Variants in FCRL2 observed in about 807,000 individuals in gnomAD.
FCRL2 encodes the protein Fc receptor like 2.
In FCRL2, 48 loss-of-function variants were observed where a neutral mutation model predicts 59.8. The observed-to-expected ratio is 0.80, with a 90% CI of 0.64 to 1.02. The LOEUF (loss-of-function observed/expected upper bound fraction) is 1.02, where lower values mean the gene tolerates loss of function less well. Among genes scored for constraint, FCRL2 ranks in the 50% least tolerant of loss-of-function variants. FCRL2 has a pLI of 0.00. For synonymous variants in FCRL2, 251 were observed against 229.5 expected (o/e 1.09, Z -0.85); for missense variants, 658 against 597.3 (o/e 1.10, Z -1.06).
rs750200414 is a variant in FCRL2 at position 157,769,981 on chromosome 1, C to G, written c.480G>C (p.Pro160=). ...TCCACACGGCAGAAATCTGGAGCTC[C>G]GGAGAGCTGCTCCAGCCTGACCCCA... The part of the protein sequence containing the change: ...QVLGSGWSSS[P]ELQISAVWSE... The change falls in exon 4 of 12, where the codon CCG becomes CCC. Residue 160 remains proline, a synonymous_variant. Transcript: ENST00000361516. 58 of 1,614,030 alleles carry G rather than the reference C, an allele frequency of 3.6e-5. No homozygotes were observed. Among genetic ancestry groups the G allele is most frequent in the Non-Finnish European group, 4.3e-5 (51 of 1,180,032 alleles).
intron 7 of FCRL2, among the ~76,000 whole-genome samples, chr1:157,763,012 C>T (rs569528613): frequency 2.6e-5 from 4 of 152,246 alleles, no homozygotes; most frequent in Admixed American, 1.3e-4. Flanking sequence ...CCAGGAGGTG[C>T]AATAAAGTTA....
chr1:157,757,702 C>A (rs1242037872), intron 7 of FCRL2, among the ~76,000 whole-genome samples: 1 of 152,222 alleles, frequency 6.6e-6, no homozygotes, highest in South Asian at 2.1e-4. Context: ...GAGGCTTACA[C>A]CTGTAATCCC....
Position 157,769,949 on chromosome 1 carries a change from T to A in FCRL2, c.512A>T (p.Asp171Val). ...ELQISAVWSEDTGSYWCKAET... is the reference protein window; with the variant it reads ...ELQISAVWSEVTGSYWCKAET... ...TGCCTTGCACCAGTAAGACCCTGTG[T>A]CTTCACTCCACACGGCAGAAATCTG... Residue 171 changes from aspartate to valine, a missense_variant, in exon 4 of 12, where the codon GAC becomes GTC. Physicochemically the swap from Asp to Val is radical, Grantham distance 152. Transcript: ENST00000361516. 1 of 1,614,202 alleles carries A rather than the reference T, an allele frequency of 6.2e-7. No individual in the cohort carries two copies.
chr1:157,751,992 A>C (rs1170175358), intron 7 of FCRL2, among the ~76,000 whole-genome samples: 1 of 152,234 alleles, frequency 6.6e-6, no homozygotes, highest in Admixed American at 6.5e-5. Context: ...AGAGAGAAAC[A>C]TCTGGCCAGA....
intron 7 of FCRL2, among the ~76,000 whole-genome samples, chr1:157,753,277 TC>T (rs1384640226): frequency 6.6e-6 from 1 of 152,134 alleles, no homozygotes; most frequent in East Asian, 1.9e-4. Context: ...AAGGGGTGTG[TC>T]CCACAAAACT....
chr1:157,766,698 G>A lies in FCRL2; in HGVS notation c.1279+157C>T, dbSNP rs966064561. ...GTATAATTAGCAGTATGACCACATT[G>A]AGCATTGCACAGAGCCTTGCAGAAT... is the stretch of plus-strand genomic sequence containing the variant. On this transcript the variant is annotated intron_variant, in intron 7 of 11. Coordinates refer to ENST00000361516, the MANE Select transcript of FCRL2 (RefSeq NM_030764.4). 4 of 1,173,912 alleles carry A rather than the reference G, an allele frequency of 3.4e-6. No homozygotes were observed. In the Admixed American group the frequency reaches 1.1e-4, roughly 33 times the overall value. The allele number at this position is 1,173,912 out of a possible 1,614,324, so 72.7% of individuals were successfully genotyped here.
chr1:157,756,768 A>G (rs1319206115), intron 7 of FCRL2, among the ~76,000 whole-genome samples: 1 of 152,096 alleles, frequency 6.6e-6, no homozygotes, highest in African/African-American at 2.4e-5. Context: ...TTGGAAGCAA[A>G]TTTAGTAAAA....
At chr1:157,751,447 G>A (rs1648176919) in intron 7 of FCRL2, among the ~76,000 whole-genome samples, 1 of 152,224 alleles carries the variant, frequency 6.6e-6, no homozygotes, top group Non-Finnish European at 1.5e-5. Context: ...ACAATATTAA[G>A]GCCAGCTTGG....
intron 2 of FCRL2, among the ~76,000 whole-genome samples, chr1:157,771,703 T>A (rs2101758809): frequency 6.6e-6 from 1 of 152,328 alleles, no homozygotes; most frequent in Admixed American, 6.5e-5. Flanking sequence ...TACCAGACTA[T>A]GTTTTGTGTC....
Position 157,775,776 on chromosome 1 carries a change from T to C in FCRL2, c.51A>G (p.Ala17=), listed in dbSNP as rs140816698. 8.6e-5 allele frequency: 139 copies of C among 1,614,118 alleles called. 2 individuals are homozygous for C. In the Middle Eastern group the frequency reaches 1.6e-3, roughly 19 times the overall value. ...LVIFDAVTEQ[A]DSLTLVAPSS... is the part of the protein sequence containing the mutation. ...ACAACAAAGACAAGGAGGACTCACC[T>C]GCCTGTTCAGTGACTGCATCTGTGA... The change falls in exon 2 of 12, where the codon GCA becomes GCG. Residue 17 remains alanine, a splice_region_variant and synonymous_variant. Coordinates refer to ENST00000361516, the MANE Select transcript of FCRL2 (RefSeq NM_030764.4).
intron 8 of FCRL2, 79 bp from the exon 9 acceptor site, chr1:157,749,039 G>A (rs550108423): frequency 8.1e-7 from 1 of 1,231,162 alleles, no homozygotes; most frequent in Admixed American, 1.8e-5. Flanking sequence ...TGAGGAGAGA[G>A]CAGGTGGAAG....
intron 2 of FCRL2, among the ~76,000 whole-genome samples, chr1:157,771,596 A>T: frequency 6.6e-6 from 1 of 152,206 alleles, no homozygotes; most frequent in Non-Finnish European, 1.5e-5. Flanking sequence ...TAAAGAAAAA[A>T]GCTATTGCCA....
At chr1:157,767,083 A>C (rs1195210857) in intron 6 of FCRL2, 112 bp from the exon 7 acceptor site, 6 of 1,318,330 alleles carry the variant, frequency 4.6e-6, no homozygotes, top group African/African-American at 1.5e-5. Context: ...ATTGAAGTGT[A>C]GTCTGTACTC....
At chr1:157,764,029 CAAAAAAAAA>C (rs34230382) in intron 7 of FCRL2, among the ~76,000 whole-genome samples, 1 of 103,254 alleles carries the variant, frequency 9.7e-6, no homozygotes, top group African/African-American at 4.1e-5. Flanking sequence ...GACTTCATCT[CAAAAAAAAA>C]AAAAAAAAAG....
intron 5 of FCRL2, chr1:157,768,103 C>A: frequency 3.4e-6 from 1 of 297,942 alleles, no homozygotes; most frequent in Non-Finnish European, 6.2e-6. Context: ...GCTGTTACCA[C>A]TATGAACCTT....
At chr1:157,773,661 G>A (rs1037725678) in intron 2 of FCRL2, among the ~76,000 whole-genome samples, 4 of 152,204 alleles carry the variant, frequency 2.6e-5, no homozygotes, top group Admixed American at 2.0e-4. Flanking sequence ...CAACCACCTG[G>A]CAGTTTGAAG....
At chr1:157,769,838 C>A in intron 4 of FCRL2, 28 bp downstream of exon 4, 1 of 1,592,210 alleles carries the variant, frequency 6.3e-7, no homozygotes, top group Non-Finnish European at 8.6e-7. Flanking sequence ...ATCTTTTTTT[C>A]TCCAGGCTCA....
At position 157,767,042 on chromosome 1, in the gene FCRL2, G is replaced by A. The variant is rs1267059240; in HGVS notation, c.1163-71C>T. 6 of 1,402,894 alleles carry A rather than the reference G, an allele frequency of 4.3e-6. No individual in the cohort carries two copies. The Admixed American group carries it at 1.0e-4, about 24-fold the overall frequency. 86.9% of individuals were successfully genotyped at this position (1,402,894 alleles called of 1,614,324 possible). ...GGCCCTTCTTATAAATGCTATATAG[G>A]GATGTTAAATACAAATTCAAGTAAG... On this transcript the variant is annotated intron_variant, in intron 6 of 11. Coordinates refer to ENST00000361516, the MANE Select transcript of FCRL2 (RefSeq NM_030764.4).
chr1:157,748,439 GACAAATAA>G (rs1353364487), intron 10 of FCRL2, 106 bp downstream of exon 10: 3 of 372,320 alleles, frequency 8.1e-6, no homozygotes, highest in Admixed American at 1.2e-4. Flanking sequence ...TAGATAGATA[GACAAATAA>G]ATAAATAAAT....
Sources: gnomAD v4.1 joint callset for allele counts (sites outside exome capture counted in the v4.1 genomes callset) on GRCh38, gnomAD v4.1.1 for gene constraint, MANE v1.5 for transcripts, NCBI Gene and HGNC (gene_info 2026-07-23, HGNC 2026-07-21) for gene names.